TLK1: variants seen among roughly 807,000 people sequenced by gnomAD.
TLK1 encodes tousled like kinase 1, also known as serine/threonine-protein kinase tousled-like 1.
Under a neutral mutation model 105.3 loss-of-function variants are expected in TLK1, and 24 were observed. The observed-to-expected ratio is 0.23, with a 90% CI of 0.17 to 0.32. TLK1 has a LOEUF of 0.32. Ranked by LOEUF, TLK1 falls within the 10% of genes least tolerant of loss-of-function variation. TLK1 has a pLI of 1.00. For synonymous variants in TLK1, 321 were observed against 310.4 expected (o/e 1.03, Z -0.36); for missense variants, 558 against 910.5 (o/e 0.61, Z 4.98).
At chr2:171,004,255 G>C (rs957408887) in intron 18 of TLK1, among the ~76,000 whole-genome samples, 1 of 151,968 alleles carries the variant, frequency 6.6e-6, no homozygotes, top group African/African-American at 2.4e-5. Context: ...GAGCCACCGT[G>C]TCCAGCCAAT....
chr2:171,081,759 T>C (rs1688762842), intron 3 of TLK1: 5 of 1,251,698 alleles, frequency 4.0e-6, no homozygotes, highest in Non-Finnish European at 5.3e-6. Context: ...TACTCCTTTG[T>C]AGTGTCAGGG....
chr2:171,060,229 G>A (rs1019040472), intron 4 of TLK1, among the ~76,000 whole-genome samples: 2 of 152,138 alleles, frequency 1.3e-5, no homozygotes, highest in African/African-American at 2.4e-5. Flanking sequence ...TCGGGGGCTT[G>A]TTTTTGAGTT....
chr2:171,217,251 C>T (rs1180878650), intron 1 of TLK1, among the ~76,000 whole-genome samples: 1 of 152,134 alleles, frequency 6.6e-6, no homozygotes. Context: ...GAAGGGATTG[C>T]TTTTTGCAAT....
chr2:171,038,738 G>A (rs567305265), intron 11 of TLK1, among the ~76,000 whole-genome samples: 7 of 152,216 alleles, frequency 4.6e-5, no homozygotes, highest in Admixed American at 2.6e-4. Flanking sequence ...GAAATTTGCC[G>A]AGGCTTGCTT....
chr2:171,224,606 C>A (rs1205157441), intron 1 of TLK1, among the ~76,000 whole-genome samples: 1 of 152,124 alleles, frequency 6.6e-6, no homozygotes, highest in Non-Finnish European at 1.5e-5. Flanking sequence ...GTCTTAATAT[C>A]ATTAAGGTGG....
intron 12 of TLK1, among the ~76,000 whole-genome samples, chr2:171,020,738 C>T (rs1685459052): frequency 6.6e-6 from 1 of 151,936 alleles, no homozygotes; most frequent in Admixed American, 6.6e-5. Flanking sequence ...AACCAACCAA[C>T]CAACCAAAAT....
intron 1 of TLK1, among the ~76,000 whole-genome samples, chr2:171,151,676 C>T (rs553823422): frequency 1.2e-4 from 18 of 151,548 alleles, no homozygotes; most frequent in African/African-American, 3.9e-4. Context: ...AGGGTTTCAC[C>T]GTGTTAGCCA....
At chr2:171,007,248 T>G (rs1229328875) in intron 14 of TLK1, among the ~76,000 whole-genome samples, 185 bp from the exon 15 acceptor site, 2 of 152,058 alleles carry the variant, frequency 1.3e-5, no homozygotes, top group Non-Finnish European at 2.9e-5. Flanking sequence ...AGACAGAAAT[T>G]CCATGGTAAT....
At chr2:171,215,347 T>A (rs1693693598) in intron 1 of TLK1, among the ~76,000 whole-genome samples, 1 of 152,210 alleles carries the variant, frequency 6.6e-6, no homozygotes, top group African/African-American at 2.4e-5. Flanking sequence ...TTGTGTTTAG[T>A]TTCCAACACA....
chr2:171,130,905 C>T (rs766009160), intron 1 of TLK1, among the ~76,000 whole-genome samples: 1 of 152,054 alleles, frequency 6.6e-6, no homozygotes, highest in Non-Finnish European at 1.5e-5. Flanking sequence ...TATAAATTAG[C>T]ACATAATCCA....
At chr2:171,206,042 ATT>A (rs1693500814) in intron 1 of TLK1, among the ~76,000 whole-genome samples, 1 of 152,182 alleles carries the variant, frequency 6.6e-6, no homozygotes, top group African/African-American at 2.4e-5. Flanking sequence ...ACTATGTTAT[ATT>A]TTGTTACTGA....
Position 171,039,876 on chromosome 2 carries a change from T to A in TLK1, c.1169+6298A>T, listed in dbSNP as rs978450811. On this transcript the variant is annotated intron_variant, in intron 11 of 20. Transcript: ENST00000431350. ...TCACTACCAACAGACCCCTTTGTAA[T>A]TTTCCTTTACAAAGGAAAATTTGTA... is the stretch of plus-strand genomic sequence containing the variant. Among the ~76,000 whole-genome samples the A allele has an allele frequency of 3.3e-5, 5 of 152,200 alleles. 1 individual carries two copies. Among genetic ancestry groups the A allele is most frequent in the Admixed American group, 2.0e-4 (3 of 15,298 alleles).
intron 1 of TLK1, among the ~76,000 whole-genome samples, chr2:171,152,362 T>C (rs921330948): frequency 7.9e-5 from 12 of 152,176 alleles, no homozygotes; most frequent in African/African-American, 1.7e-4. Flanking sequence ...TGAAGCCACA[T>C]TGGAAAAATT....
chr2:171,123,559 A>C (rs1277145574), intron 1 of TLK1, among the ~76,000 whole-genome samples: 2 of 152,170 alleles, frequency 1.3e-5, no homozygotes. Context: ...TGTAATCACA[A>C]CACTTTGGGA....
chr2:171,197,643 G>A (rs1693299692), intron 1 of TLK1, among the ~76,000 whole-genome samples: 1 of 152,124 alleles, frequency 6.6e-6, no homozygotes, highest in Non-Finnish European at 1.5e-5. Flanking sequence ...GCTGGGCGTG[G>A]TGGTGCACGT....
At chr2:171,010,129 C>T (rs564981363) in intron 14 of TLK1, among the ~76,000 whole-genome samples, 3 of 152,026 alleles carry the variant, frequency 2.0e-5, no homozygotes, top group Non-Finnish European at 4.4e-5. Context: ...CCGGAAGAAG[C>T]CTTGAGCTAA....
intron 3 of TLK1, chr2:171,081,593 A>T (rs774435234): frequency 7.2e-6 from 9 of 1,243,202 alleles, no homozygotes; most frequent in Non-Finnish European, 9.5e-6. Flanking sequence ...TTAATTTTTT[A>T]AAAACTAAAC....
chr2:171,195,522 AC>A (rs371754359), intron 1 of TLK1, among the ~76,000 whole-genome samples: 4,294 of 143,350 alleles, frequency 0.03, 257 homozygotes, highest in East Asian at 0.22. Flanking sequence ...AAAAAAAAAA[AC>A]ATAATCCACC....
chr2:171,064,009 T>C (rs1051616783), intron 3 of TLK1, among the ~76,000 whole-genome samples: 2 of 152,236 alleles, frequency 1.3e-5, no homozygotes, highest in African/African-American at 4.8e-5. Context: ...GAAGCCTTTT[T>C]CCTCTGAGGC....
Sources: allele counts gnomAD v4.1 joint callset (sites outside exome capture counted in the v4.1 genomes callset), GRCh38; gene constraint gnomAD v4.1.1; transcripts MANE v1.5; gene names NCBI Gene and HGNC (gene_info 2026-07-23, HGNC 2026-07-21).